PRR14L: variants seen among roughly 807,000 people sequenced by gnomAD.
The protein encoded by PRR14L is proline rich 14 like.
A neutral mutation model predicts 155.0 loss-of-function variants in PRR14L; 80 were observed. The observed-to-expected ratio is 0.52, with a 90% confidence interval of 0.43 to 0.62. The LOEUF (loss-of-function observed/expected upper bound fraction) is 0.62, where lower values mean the gene tolerates loss of function less well. Among genes scored for constraint, PRR14L ranks in the 20% least tolerant of loss-of-function variants. The probability of loss-of-function intolerance (pLI) is 0.00; values close to 1 mark genes in which losing one functional copy is unlikely to be tolerated. For missense variants in PRR14L, 2,469 were observed against 2,548.0 expected, an observed-to-expected ratio of 0.97 and a Z score of 0.67; for synonymous variants, 883 against 916.0, an observed-to-expected ratio of 0.96 and a Z score of 0.65.
chr22:31,702,626 C>G (rs1026198295), intron 6 of PRR14L, among the ~76,000 whole-genome samples: 10 of 152,152 alleles, frequency 6.6e-5, no homozygotes, highest in African/African-American at 1.9e-4. Context: ...AGCGAATCTA[C>G]TGCCTCGGCC....
chr22:31,698,286 A>G (rs1230083417), intron 7 of PRR14L, among the ~76,000 whole-genome samples: 2 of 151,890 alleles, frequency 1.3e-5, no homozygotes, highest in Admixed American at 6.6e-5. Flanking sequence ...TGGCCTCCCA[A>G]TGTGCTGTGA....
intron 7 of PRR14L, among the ~76,000 whole-genome samples, chr22:31,690,881 C>G (rs953717346): frequency 6.6e-6 from 1 of 151,952 alleles, no homozygotes; most frequent in Admixed American, 6.6e-5. Flanking sequence ...ATCTTGTGAT[C>G]TGCCCACCTT....
In PRR14L at chr22:31,684,583, T is replaced by C. The variant is rs1187125181; in HGVS notation, c.*944A>G. ...AATACATGTATTTGGTGGGCAAGAA[T>C]GAGAACCCAGATGAAAAAAAGTGCT... On this transcript the variant is annotated 3_prime_UTR_variant, in exon 9 of 9. Transcript: ENST00000327423. The C allele has an allele frequency of 6.6e-6, 1 of 152,098 alleles. No homozygotes were observed. Among genetic ancestry groups the C allele is most frequent in the Non-Finnish European group, 1.5e-5 (1 of 68,014 alleles). 9.4% of individuals were successfully genotyped at this position (152,098 alleles called of 1,614,324 possible). A position where few individuals can be genotyped will look rare whatever the true frequency, so the allele number is the denominator to read the frequency against.
In PRR14L at chr22:31,741,581, G is replaced by A. The variant is rs1260704283; in HGVS notation, c.-51-2670C>T. ...TGGATGTGAAAAGCTTTCATAAACA[G>A]TGCTGTAAGGCTGGGTGCGGTGGCT... On this transcript the variant is annotated intron_variant, in intron 1 of 8. Transcript: ENST00000327423. Among the ~76,000 whole-genome samples, 9 of 152,162 alleles carry A rather than the reference G, an allele frequency of 5.9e-5. No homozygotes were observed. In the East Asian group the frequency reaches 1.5e-3, roughly 26 times the overall value.
At chr22:31,748,900 T>C (rs1412986165) in intron 1 of PRR14L, among the ~76,000 whole-genome samples, 3 of 152,120 alleles carry the variant, frequency 2.0e-5, no homozygotes, top group African/African-American at 4.8e-5. Context: ...CAGCAGGATC[T>C]AAGGGGACTG....
intron 7 of PRR14L, among the ~76,000 whole-genome samples, chr22:31,688,787 T>C (rs1297172909): frequency 6.6e-6 from 1 of 152,104 alleles, no homozygotes; most frequent in Non-Finnish European, 1.5e-5. Context: ...CTATATATTC[T>C]GTTCTTTTTT....
intron 1 of PRR14L, among the ~76,000 whole-genome samples, chr22:31,741,585 T>C (rs2074813316): frequency 2.0e-5 from 3 of 152,150 alleles, no homozygotes; most frequent in Admixed American, 2.0e-4. Context: ...TAAACAGTGC[T>C]GTAAGGCTGG....
intron 3 of PRR14L, among the ~76,000 whole-genome samples, chr22:31,722,609 A>G (rs1242639113): frequency 1.4e-5 from 2 of 147,300 alleles, no homozygotes; most frequent in African/African-American, 2.5e-5. Context: ...TGCAAGCTCC[A>G]CCTCCGGGGT....
chr22:31,690,795 C>T (rs1226338938), intron 7 of PRR14L, among the ~76,000 whole-genome samples: 1 of 151,728 alleles, frequency 6.6e-6, no homozygotes, highest in African/African-American at 2.4e-5. Flanking sequence ...GCATGCACCA[C>T]CATGCCCAGA....
At chr22:31,730,355 T>C (rs1041635780) in intron 2 of PRR14L, among the ~76,000 whole-genome samples, 6 of 152,086 alleles carry the variant, frequency 3.9e-5, no homozygotes, top group African/African-American at 1.4e-4. Flanking sequence ...GAAAAACTGT[T>C]TGAACCGGGA....
chr22:31,742,199 A>G (rs2074816738), intron 1 of PRR14L, among the ~76,000 whole-genome samples: 1 of 152,192 alleles, frequency 6.6e-6, no homozygotes, highest in Non-Finnish European at 1.5e-5. Flanking sequence ...TTTTCGAAGG[A>G]GATGGGCTCC....
At chr22:31,730,398 C>T (rs1356906749) in intron 2 of PRR14L, among the ~76,000 whole-genome samples, 1 of 152,092 alleles carries the variant, frequency 6.6e-6, no homozygotes, top group Non-Finnish European at 1.5e-5. Context: ...GAGCTGAGAT[C>T]GTGCCACTGC....
At chr22:31,686,411 T>C (rs1313205301) in intron 8 of PRR14L, among the ~76,000 whole-genome samples, 1 of 151,198 alleles carries the variant, frequency 6.6e-6, no homozygotes, top group African/African-American at 2.4e-5. Context: ...CAGCCCTGAC[T>C]CATCTTTAAA....
At position 31,735,358 on chromosome 22, in the gene PRR14L, A is replaced by G. The variant is rs1455693226; in HGVS notation, c.474+3029T>C. Among the ~76,000 whole-genome samples the G allele has an allele frequency of 3.9e-3, 591 of 151,146 alleles. 4 individuals carry two copies. Among genetic ancestry groups the G allele is most frequent in the African/African-American group, 0.013 (548 of 40,770 alleles). ...AGGGAGGCTGAGGCAGGAGAATGGC[A>G]TGAACCTGGGAGGTGGAGCTTGCAG... is the stretch of plus-strand genomic sequence containing the variant. On this transcript the variant is annotated intron_variant, in intron 2 of 8. Transcript: ENST00000327423.
chr22:31,712,679 G>C lies in PRR14L; in HGVS notation c.5160C>G (p.Ser1720=). The C allele has an allele frequency of 6.4e-7, 1 of 1,551,764 alleles. No individual in the cohort carries two copies. Among genetic ancestry groups the C allele is most frequent in the Non-Finnish European group, 8.7e-7 (1 of 1,147,010 alleles). ...LLFGSEIFPV[S]FHVKSSSSDC... ...CTGAGCTGGATGATTTCACATGAAA[G>C]GATACTGGGAAGATTTCAGAACCAA... Residue 1720 remains serine, a synonymous_variant, in exon 4 of 9, where the codon TCC becomes TCG. Transcript: ENST00000327423.
intron 1 of PRR14L, among the ~76,000 whole-genome samples, chr22:31,749,324 A>G (rs973648966): frequency 3.3e-5 from 5 of 152,228 alleles, no homozygotes; most frequent in Non-Finnish European, 7.3e-5. Flanking sequence ...CTTAAAGGGA[A>G]GAAGAGAAGC....
chr22:31,695,945 G>A (rs994285260), intron 7 of PRR14L, among the ~76,000 whole-genome samples: 2 of 152,038 alleles, frequency 1.3e-5, no homozygotes, highest in African/African-American at 4.8e-5. Context: ...AAAATACTGT[G>A]TGATTTCTGT....
At chr22:31,703,931 G>A (rs946168695) in intron 5 of PRR14L, among the ~76,000 whole-genome samples, 3 of 151,872 alleles carry the variant, frequency 2.0e-5, no homozygotes, top group Non-Finnish European at 4.4e-5. Context: ...TCGAGTAGCT[G>A]AAATTACAGG....
At chr22:31,702,385 G>C (rs1268617761) in intron 6 of PRR14L, among the ~76,000 whole-genome samples, 1 of 152,140 alleles carries the variant, frequency 6.6e-6, no homozygotes, top group Non-Finnish European at 1.5e-5. Context: ...ACCACGCCCG[G>C]CTTATTTTGT....
Sources: allele counts gnomAD v4.1 joint callset (sites outside exome capture counted in the v4.1 genomes callset), GRCh38; gene constraint gnomAD v4.1.1; transcripts MANE v1.5; gene names NCBI Gene and HGNC (gene_info 2026-07-23, HGNC 2026-07-21).